Variants in KCNC2 observed in about 807,000 individuals in gnomAD.
KCNC2 encodes the protein potassium voltage-gated channel subfamily C member 2, also known as voltage-gated potassium channel KCNC2.
Under a neutral mutation model 44.5 loss-of-function variants are expected in KCNC2, and 21 were observed. The ratio of observed to expected loss-of-function variants is 0.47; its 90% CI spans 0.33 to 0.68. The LOEUF (loss-of-function observed/expected upper bound fraction) is 0.68, where lower values mean the gene tolerates loss of function less well. Ranked by LOEUF, KCNC2 falls within the 30% of genes least tolerant of loss-of-function variation. The pLI is 0.01. For missense variants in KCNC2, 589 were observed against 826.2 expected, an observed-to-expected ratio of 0.71 and a Z score of 3.52; for synonymous variants, 391 against 339.1, an observed-to-expected ratio of 1.15 and a Z score of -1.68.
At chr12:75,169,422 G>T (rs1029571012) in intron 2 of KCNC2, among the ~76,000 whole-genome samples, 1 of 151,494 alleles carries the variant, frequency 6.6e-6, no homozygotes, top group African/African-American at 2.4e-5. Context: ...TACTGATAAT[G>T]TCATTTAAGT....
At position 75,040,551 on chromosome 12, in the gene KCNC2, A is replaced by G. The variant is rs904024914; in HGVS notation, c.*2554T>C. ...TTATAATTGAGGTAATAATGATAAA[A>G]GACTTAAACTATGAATAATGTTGGT... On this transcript the variant is annotated 3_prime_UTR_variant, in exon 5 of 5. Transcript: ENST00000549446. The G allele has an allele frequency of 1.3e-5, 2 of 153,020 alleles. No homozygotes were observed. Among genetic ancestry groups the G allele is most frequent in the Admixed American group, 1.3e-4 (2 of 15,354 alleles). The allele number at this position is 153,020 out of a possible 1,614,324, so 9.5% of individuals were successfully genotyped here.
At chr12:75,122,215 G>A (rs926502230) in intron 2 of KCNC2, among the ~76,000 whole-genome samples, 1 of 152,150 alleles carries the variant, frequency 6.6e-6, no homozygotes, top group African/African-American at 2.4e-5. Context: ...TTGTGTTGGG[G>A]AGAAGGGAAA....
Position 75,042,137 on chromosome 12 carries a change from A to C in KCNC2, c.*968T>G, listed in dbSNP as rs892510415. 5 of 1,251,992 alleles carry C rather than the reference A, an allele frequency of 4.0e-6. No individual in the cohort carries two copies. The highest frequency in any genetic ancestry group is 5.0e-6 in the Non-Finnish European group (5 of 994,948). The allele number at this position is 1,251,992 out of a possible 1,614,324, so 77.6% of individuals were successfully genotyped here. A position where few individuals can be genotyped will look rare whatever the true frequency, so the allele number is the denominator to read the frequency against. On this transcript the variant is annotated 3_prime_UTR_variant, in exon 5 of 5. Transcript: ENST00000549446. ...TAAATAAAAATAAAATAAGGGGGTA[A>C]AAAAAAGACACAAGAGCTTTGGGTG...
chr12:75,194,433 G>C (rs2030580049), intron 2 of KCNC2, among the ~76,000 whole-genome samples: 1 of 152,160 alleles, frequency 6.6e-6, no homozygotes, highest in African/African-American at 2.4e-5. Context: ...AGAACCAGTA[G>C]AAGAAACCAA....
chr12:75,195,064 T>G lies in KCNC2; in HGVS notation c.687+12233A>C, dbSNP rs11180398. 6.6e-5 allele frequency among the ~76,000 whole-genome samples: 10 copies of G among 152,298 alleles called. No homozygotes were observed. The East Asian group carries it at 1.9e-3, about 29-fold the overall frequency. On this transcript the variant is annotated intron_variant, in intron 2 of 4. Coordinates refer to ENST00000549446, the MANE Select transcript of KCNC2 (RefSeq NM_139137.4). ...ATTATCATTTTCATTTAATCCTAGT[T>G]CAATTCAAATTTCTAGCTTTGGAAT...
At chr12:75,208,240 T>A (rs1225694995) in intron 1 of KCNC2, among the ~76,000 whole-genome samples, 1 of 152,086 alleles carries the variant, frequency 6.6e-6, no homozygotes, top group East Asian at 1.9e-4. Context: ...TGACCTTTCA[T>A]GACACCGTTT....
chr12:75,169,672 A>G (rs1320225278), intron 2 of KCNC2, among the ~76,000 whole-genome samples: 1 of 151,634 alleles, frequency 6.6e-6, no homozygotes, highest in Non-Finnish European at 1.5e-5. Context: ...AATTACTATG[A>G]TTGTTGTTTT....
At chr12:75,076,038 TACAC>T (rs71078709) in intron 2 of KCNC2, among the ~76,000 whole-genome samples, 4,169 of 141,310 alleles carry the variant, frequency 0.03, 69 homozygotes, top group East Asian at 0.07. Flanking sequence ...TAATGTTACA[TACAC>T]ACACACACAC....
chr12:75,094,844 A>G (rs1457388824), intron 2 of KCNC2, among the ~76,000 whole-genome samples: 3 of 151,706 alleles, frequency 2.0e-5, no homozygotes, highest in Non-Finnish European at 4.4e-5. Context: ...CCTCTCTCAA[A>G]CTCAAATCCC....
intron 2 of KCNC2, among the ~76,000 whole-genome samples, chr12:75,149,060 C>T (rs1890217382): frequency 6.6e-6 from 1 of 150,860 alleles, no homozygotes; most frequent in African/African-American, 2.4e-5. Flanking sequence ...TCACTATCTA[C>T]CAGAATATTA....
At chr12:75,138,218 G>A (rs1293251171) in intron 2 of KCNC2, among the ~76,000 whole-genome samples, 1 of 152,040 alleles carries the variant, frequency 6.6e-6, no homozygotes, top group African/African-American at 2.4e-5. Flanking sequence ...TTGCCAATGG[G>A]AAAAAAATCC....
At chr12:75,147,349 G>A (rs1383440843) in intron 2 of KCNC2, among the ~76,000 whole-genome samples, 3 of 151,956 alleles carry the variant, frequency 2.0e-5, no homozygotes, top group Admixed American at 6.6e-5. Context: ...TTTCAATGAA[G>A]CTCTGATTAT....
intron 2 of KCNC2, among the ~76,000 whole-genome samples, chr12:75,062,357 T>C (rs1592783946): frequency 6.6e-6 from 1 of 152,106 alleles, no homozygotes; most frequent in Non-Finnish European, 1.5e-5. Flanking sequence ...ACTCTGGTCA[T>C]CAATACTGCA....
chr12:75,155,134 C>G (rs538753772), intron 2 of KCNC2, among the ~76,000 whole-genome samples: 1 of 150,742 alleles, frequency 6.6e-6, no homozygotes, highest in Non-Finnish European at 1.5e-5. Context: ...GAAAAAAAAA[C>G]GCCCCTCTTT....
At chr12:75,182,326 C>A (rs1231756056) in intron 2 of KCNC2, among the ~76,000 whole-genome samples, 3 of 139,628 alleles carry the variant, frequency 2.1e-5, no homozygotes, top group Admixed American at 7.0e-5. Context: ...AGATGGAGAC[C>A]ATCCTGGTTA....
intron 2 of KCNC2, among the ~76,000 whole-genome samples, chr12:75,204,152 T>C (rs1049486438): frequency 6.6e-6 from 1 of 151,992 alleles, no homozygotes; most frequent in Non-Finnish European, 1.5e-5. Context: ...TATTTGAATT[T>C]TTATAAATTT....
At chr12:75,062,958 T>G (rs1037006653) in intron 2 of KCNC2, among the ~76,000 whole-genome samples, 1 of 152,134 alleles carries the variant, frequency 6.6e-6, no homozygotes, top group Non-Finnish European at 1.5e-5. Context: ...AGTAAAATAT[T>G]TCTTTTAAAA....
chr12:75,047,502 T>C (rs1056222196), intron 4 of KCNC2, among the ~76,000 whole-genome samples: 4 of 152,080 alleles, frequency 2.6e-5, no homozygotes, highest in Non-Finnish European at 4.4e-5. Context: ...TTCATGTCTG[T>C]TGAAAAATAG....
At chr12:75,155,803 C>G (rs1293658572) in intron 2 of KCNC2, among the ~76,000 whole-genome samples, 2 of 151,630 alleles carry the variant, frequency 1.3e-5, no homozygotes, top group African/African-American at 4.8e-5. Flanking sequence ...GTGCAAAATA[C>G]TGAACTAAAT....
Sources: gnomAD v4.1 joint callset for allele counts (sites outside exome capture counted in the v4.1 genomes callset) on GRCh38, gnomAD v4.1.1 for gene constraint, MANE v1.5 for transcripts, NCBI Gene and HGNC (gene_info 2026-07-23, HGNC 2026-07-21) for gene names.